UBE2W: variants seen among roughly 807,000 people sequenced by gnomAD.
UBE2W encodes the protein ubiquitin-conjugating enzyme E2 W.
A neutral mutation model predicts 27.2 loss-of-function variants in UBE2W; 18 were observed. The ratio of observed to expected loss-of-function variants is 0.66; its 90% CI spans 0.46 to 0.98. The LOEUF is 0.98. Ranked by LOEUF, UBE2W falls within the 50% of genes least tolerant of loss-of-function variation. The probability of loss-of-function intolerance (pLI) is 0.00; values close to 1 mark genes in which losing one functional copy is unlikely to be tolerated. For synonymous variants in UBE2W, 53 were observed against 57.2 expected, an observed-to-expected ratio of 0.93 and a Z score of 0.33; for missense variants, 90 against 180.2, an observed-to-expected ratio of 0.50 and a Z score of 2.87.
intron 1 of UBE2W, among the ~76,000 whole-genome samples, chr8:73,868,454 C>T (rs34135334): frequency 0.11 from 17,168 of 152,150 alleles, 1,048 homozygotes; most frequent in Middle Eastern, 0.18. Context: ...AATACATTAG[C>T]AATTGTGAGT....
In UBE2W at chr8:73,789,897, A is replaced by G. The variant is rs1808123627; in HGVS notation, c.*4205T>C. The G allele has an allele frequency of 1.0e-6, 1 of 975,056 alleles. No homozygotes were observed. Among genetic ancestry groups the G allele is most frequent in the Non-Finnish European group, 1.2e-6 (1 of 820,680 alleles). 60.4% of individuals were successfully genotyped at this position (975,056 alleles called of 1,614,324 possible). A position where few individuals can be genotyped will look rare whatever the true frequency, so the allele number is the denominator to read the frequency against. On this transcript the variant is annotated 3_prime_UTR_variant, in exon 6 of 6. Coordinates refer to ENST00000602593, the MANE Select transcript of UBE2W (RefSeq NM_018299.6). ...ATTCCACATCTCAAAATGACTTAGA[A>G]ATTTAAATGGAAAAAATAAATAATT...
intron 3 of UBE2W, among the ~76,000 whole-genome samples, chr8:73,819,493 C>G (rs948031514): frequency 6.6e-6 from 1 of 152,208 alleles, no homozygotes; most frequent in African/African-American, 2.4e-5. Context: ...TCTCCCCTCT[C>G]TCAAGAAACA....
chr8:73,802,628 G>A (rs531230663), intron 5 of UBE2W, among the ~76,000 whole-genome samples: 2 of 152,290 alleles, frequency 1.3e-5, no homozygotes, highest in East Asian at 1.9e-4. Flanking sequence ...AGTGGCTCAC[G>A]CCTGTAATCC....
intron 1 of UBE2W, among the ~76,000 whole-genome samples, chr8:73,853,205 A>G (rs1811150144): frequency 1.3e-5 from 2 of 152,188 alleles, no homozygotes; most frequent in Admixed American, 1.3e-4. Flanking sequence ...CAGCCTCCAG[A>G]ACTGTAAGGA....
intron 3 of UBE2W, among the ~76,000 whole-genome samples, chr8:73,819,163 C>T (rs1176050924): frequency 6.6e-6 from 1 of 152,212 alleles, no homozygotes; most frequent in Non-Finnish European, 1.5e-5. Flanking sequence ...GTCACCTTCT[C>T]AGTGAAATCT....
intron 3 of UBE2W, among the ~76,000 whole-genome samples, chr8:73,815,636 C>G (rs772826158): frequency 6.6e-6 from 1 of 152,100 alleles, no homozygotes; most frequent in Non-Finnish European, 1.5e-5. Context: ...TACTGAAAGG[C>G]CTTATGGTAC....
rs1208869709 is a variant in UBE2W, at chr8:73,863,467, T to C, written c.15+15341A>G. 6.7e-5 allele frequency among the ~76,000 whole-genome samples: 10 copies of C among 149,428 alleles called. 1 individual carries two copies. The highest frequency in any genetic ancestry group is 5.9e-5 in the Non-Finnish European group (4 of 67,648). On this transcript the variant is annotated intron_variant, in intron 1 of 5. Transcript: ENST00000602593. ...GAGGGAGGGATAGCATTGGGAGATA[T>C]ACCTAATGCTAGATGACGAGTTAGT...
downstream of UBE2W, among the ~76,000 whole-genome samples, chr8:73,782,137 C>T (rs1158816976): frequency 1.3e-5 from 2 of 151,414 alleles, no homozygotes; most frequent in South Asian, 2.1e-4. Flanking sequence ...TTAGAAGAGA[C>T]GGTGTTCCAC....
intron 1 of UBE2W, 98 bp downstream of exon 1, chr8:73,878,710 G>GA: frequency 8.8e-7 from 1 of 1,141,920 alleles, no homozygotes; most frequent in Non-Finnish European, 1.3e-6. Context: ...TCCCGAACCC[G>GA]CCCGGGTGTC....
chr8:73,877,861 C>T (rs917729265), intron 1 of UBE2W, among the ~76,000 whole-genome samples: 2 of 152,064 alleles, frequency 1.3e-5, no homozygotes, highest in South Asian at 4.1e-4. Flanking sequence ...ACAAAAAAAC[C>T]CACAACTCCC....
At chr8:73,852,669 G>T (rs1283515111) in intron 1 of UBE2W, among the ~76,000 whole-genome samples, 1 of 152,068 alleles carries the variant, frequency 6.6e-6, no homozygotes, top group East Asian at 1.9e-4. Context: ...CAAAGATTCT[G>T]ATATATATAA....
intron 1 of UBE2W, among the ~76,000 whole-genome samples, chr8:73,876,203 G>C (rs543268168): frequency 1.3e-5 from 2 of 151,642 alleles, no homozygotes; most frequent in Non-Finnish European, 2.9e-5. Flanking sequence ...ATAAGTGTCT[G>C]ACACATAGAG....
chr8:73,843,258 T>C (rs1198689706), intron 1 of UBE2W, among the ~76,000 whole-genome samples: 1 of 152,198 alleles, frequency 6.6e-6, no homozygotes, highest in Non-Finnish European at 1.5e-5. Flanking sequence ...ATTAAGGGTA[T>C]GGTTGCACAA....
At chr8:73,855,352 G>C (rs1350055509) in intron 1 of UBE2W, among the ~76,000 whole-genome samples, 1 of 146,776 alleles carries the variant, frequency 6.8e-6, no homozygotes, top group East Asian at 2.0e-4. Context: ...TATGAAATTT[G>C]ATGCAGTTAT....
At chr8:73,854,450 T>C (rs1811203615) in intron 1 of UBE2W, among the ~76,000 whole-genome samples, 1 of 152,216 alleles carries the variant, frequency 6.6e-6, no homozygotes, top group African/African-American at 2.4e-5. Context: ...CTCAAAGGAA[T>C]AAACATCTGG....
chr8:73,790,665 T>C lies in UBE2W; in HGVS notation c.*3437A>G. On this transcript the variant is annotated 3_prime_UTR_variant, in exon 6 of 6. Transcript: ENST00000602593. ...AATTTTTGTAACACACAGTACCTCC[T>C]CTTCTCTTCTATTTTTAGGAAGAAG... 1 of 982,692 alleles carries C rather than the reference T, an allele frequency of 1.0e-6. No individual in the cohort carries two copies. Among genetic ancestry groups the C allele is most frequent in the African/African-American group, 1.7e-5 (1 of 57,290 alleles). The allele number at this position is 982,692 out of a possible 1,614,324, so 60.9% of individuals were successfully genotyped here.
intron 1 of UBE2W, among the ~76,000 whole-genome samples, chr8:73,834,404 A>G (rs1222703861): frequency 1.3e-5 from 2 of 152,262 alleles, no homozygotes; most frequent in African/African-American, 2.4e-5. Context: ...TGGGTCAAAC[A>G]AAGAACTGGC....
At chr8:73,874,872 G>C (rs1812153275) in intron 1 of UBE2W, among the ~76,000 whole-genome samples, 1 of 152,136 alleles carries the variant, frequency 6.6e-6, no homozygotes, top group Non-Finnish European at 1.5e-5. Context: ...AGACCAGCCT[G>C]GGCAACATAG....
intron 5 of UBE2W, among the ~76,000 whole-genome samples, chr8:73,801,240 C>T (rs532031193): frequency 6.6e-6 from 1 of 152,266 alleles, no homozygotes; most frequent in East Asian, 1.9e-4. Flanking sequence ...AGATGAAAGA[C>T]TTCTCATAAA....
Sources: allele counts gnomAD v4.1 joint callset (sites outside exome capture counted in the v4.1 genomes callset), GRCh38; gene constraint gnomAD v4.1.1; transcripts MANE v1.5; gene names NCBI Gene and HGNC (gene_info 2026-07-23, HGNC 2026-07-21).